CLIC2: variants seen among roughly 807,000 people sequenced by gnomAD.
CLIC2 encodes chloride intracellular channel protein 2.
A neutral mutation model predicts 14.8 loss-of-function variants in CLIC2; 9 were observed. The observed-to-expected ratio is 0.61, with a 90% CI of 0.37 to 1.06. The LOEUF (loss-of-function observed/expected upper bound fraction) is 1.06, where lower values mean the gene tolerates loss of function less well. Among genes scored for constraint, CLIC2 ranks in the 50% least tolerant of loss-of-function variants. CLIC2 has a pLI of 0.01. For missense variants in CLIC2, 148 were observed against 181.4 expected, an observed-to-expected ratio of 0.82 and a Z score of 1.06; for synonymous variants, 61 against 66.3, an observed-to-expected ratio of 0.92 and a Z score of 0.39.
intron 1 of CLIC2, among the ~76,000 whole-genome samples, chrX:155,309,096 TAGAC>T (rs1451361537): frequency 3.6e-5 from 4 of 111,605 alleles, no homozygotes; most frequent in African/African-American, 1.3e-4. Context: ...TTTTGAGACA[TAGAC>T]AGTACAATAA....
At chrX:155,279,761 G>A (rs1235166229) in intron 4 of CLIC2, among the ~76,000 whole-genome samples, 1 of 111,457 alleles carries the variant, frequency 9.0e-6, no homozygotes, top group Admixed American at 9.5e-5. Flanking sequence ...ATTGAGCTAT[G>A]GTTGGTAATA....
intron 1 of CLIC2, 58 bp from the exon 2 acceptor site, chrX:155,299,203 T>G: frequency 1.1e-6 from 1 of 936,662 alleles, no homozygotes; most frequent in Non-Finnish European, 1.5e-6. Context: ...ATGTATTTAG[T>G]TCCTAATAGG....
At chrX:155,299,881 C>G (rs1188866893) in intron 1 of CLIC2, among the ~76,000 whole-genome samples, 1 of 108,735 alleles carries the variant, frequency 9.2e-6, no homozygotes, top group East Asian at 2.9e-4. Context: ...CCAATTTCAT[C>G]CATGTCCCTA....
At chrX:155,317,399 C>CA (rs1454079769) in intron 1 of CLIC2, among the ~76,000 whole-genome samples, 2 of 111,222 alleles carry the variant, frequency 1.8e-5, no homozygotes, top group African/African-American at 6.5e-5. Flanking sequence ...GACAGAAATA[C>CA]AAAAAAATTA....
At chrX:155,322,128 C>T (rs1401449535) in intron 1 of CLIC2, among the ~76,000 whole-genome samples, 1 of 110,920 alleles carries the variant, frequency 9.0e-6, no homozygotes, top group Non-Finnish European at 1.9e-5. Flanking sequence ...TTTAACACCC[C>T]ACTGTCAACA....
At chrX:155,292,718 C>G (rs782377633) in intron 3 of CLIC2, 3 of 380,895 alleles carry the variant, frequency 7.9e-6, no homozygotes, top group African/African-American at 5.5e-5. Flanking sequence ...TGCAGTGAGC[C>G]GAGATCGCGC....
intron 3 of CLIC2, among the ~76,000 whole-genome samples, chrX:155,281,629 C>A (rs1366671643): frequency 2.7e-5 from 3 of 110,952 alleles, no homozygotes; most frequent in Non-Finnish European, 5.7e-5. Flanking sequence ...GGTCAGCTTA[C>A]CTTTCAAAAT....
At chrX:155,280,768 G>A (rs2074915949) in intron 3 of CLIC2, among the ~76,000 whole-genome samples, 2 of 110,292 alleles carry the variant, frequency 1.8e-5, no homozygotes, top group South Asian at 7.7e-4. Context: ...TAAATAGGAT[G>A]GAGAAAATGG....
At chrX:155,292,449 T>G in intron 3 of CLIC2, 1 of 605,548 alleles carries the variant, frequency 1.7e-6, no homozygotes, top group Non-Finnish European at 2.9e-6. Context: ...TTCCCAAATG[T>G]AACAACAGAA....
chrX:155,324,308 A>AAAACAAAC (rs202190443), intron 1 of CLIC2, among the ~76,000 whole-genome samples: 1 of 108,898 alleles, frequency 9.2e-6, no homozygotes, highest in Non-Finnish European at 1.9e-5. Flanking sequence ...ACAAAAAACA[A>AAAACAAAC]AAACAAACAA....
At chrX:155,293,867 C>A (rs992662518) in intron 3 of CLIC2, among the ~76,000 whole-genome samples, 1 of 111,376 alleles carries the variant, frequency 9.0e-6, no homozygotes, top group African/African-American at 3.3e-5. Flanking sequence ...TATAACAATC[C>A]TAAATATATA....
Position 155,298,531 on chromosome X carries a change from C to T in CLIC2, c.293+254G>A, listed in dbSNP as rs1557318598. Among the ~76,000 whole-genome samples, 3 of 112,279 alleles carry T rather than the reference C, an allele frequency of 2.7e-5. 1 individual carries two copies. In the South Asian group the frequency reaches 1.1e-3, roughly 42 times the overall value. On this transcript the variant is annotated intron_variant, in intron 3 of 5. Transcript: ENST00000369449. ...ACTCCCATCTCACTATATGTTCCTACTCTATTTCTAGAGCACAGAGAACTT... is the reference window on the plus strand; with the variant it reads ...ACTCCCATCTCACTATATGTTCCTATTCTATTTCTAGAGCACAGAGAACTT...
chrX:155,331,830 A>C (rs1557322853), intron 1 of CLIC2, among the ~76,000 whole-genome samples: 1 of 111,335 alleles, frequency 9.0e-6, no homozygotes, highest in Admixed American at 9.6e-5. Context: ...AGTCTTTATA[A>C]GTATTTATAA....
Position 155,277,684 on chromosome X carries a change from T to A in CLIC2, c.*219A>T, listed in dbSNP as rs1262802987. 4 of 373,088 alleles carry A rather than the reference T, an allele frequency of 1.1e-5. No homozygotes were observed. The highest frequency in any genetic ancestry group is 1.0e-4 in the African/African-American group (4 of 38,912). The allele number at this position is 373,088 out of a possible 1,213,427, so 30.7% of individuals were successfully genotyped here. On this transcript the variant is annotated 3_prime_UTR_variant, in exon 6 of 6. Coordinates refer to ENST00000369449, the MANE Select transcript of CLIC2 (RefSeq NM_001289.6). ...TCCATGTCATTCAGGATTGCAGTGG[T>A]TTGCCATACAGATAAAGAAAATTAA...
Position 155,277,919 on chromosome X carries a change from G to A in CLIC2, c.728C>T (p.Ala243Val), listed in dbSNP as rs1557315950. The change falls in exon 6 of 6, where the codon GCT becomes GTT. Residue 243 changes from alanine (A) to valine (V), a missense_variant. Ala to Val is a moderately conservative substitution (Grantham distance 64, BLOSUM62 0). Coordinates refer to ENST00000369449, the MANE Select transcript of CLIC2 (RefSeq NM_001289.6). ...AGAGCTCTCCTAACTCTTCTGTTTA[G>A]CCACATTTGCGTAAGTATTTTCAAT... ...KEIENTYANV[A>V]KQKS 1 of 1,207,103 alleles carries A rather than the reference G, an allele frequency of 8.3e-7. No individual in the cohort carries two copies. The highest frequency in any genetic ancestry group is 1.1e-6 in the Non-Finnish European group (1 of 892,907).
intron 1 of CLIC2, among the ~76,000 whole-genome samples, chrX:155,322,003 A>G (rs1391668096): frequency 8.9e-6 from 1 of 111,879 alleles, no homozygotes; most frequent in Non-Finnish European, 1.9e-5. Flanking sequence ...TGCAACAAGA[A>G]GAGCTAACTA....
intron 5 of CLIC2, 101 bp from the exon 6 acceptor site, chrX:155,278,165 G>A (rs782132306): frequency 4.8e-5 from 33 of 686,840 alleles, no homozygotes; most frequent in Non-Finnish European, 7.0e-5. Flanking sequence ...GCATCTTATC[G>A]ACACAAAAAG....
chrX:155,291,824 T>G (rs1413632833), intron 3 of CLIC2, among the ~76,000 whole-genome samples: 1 of 112,362 alleles, frequency 8.9e-6, no homozygotes, highest in Admixed American at 9.4e-5. Context: ...TGCCTAGTAT[T>G]ACAGATATGT....
At chrX:155,291,931 G>A (rs1232932092) in intron 3 of CLIC2, among the ~76,000 whole-genome samples, 9 of 112,007 alleles carry the variant, frequency 8.0e-5, no homozygotes, top group Non-Finnish European at 1.5e-4. Flanking sequence ...CTCCATTCCC[G>A]CCCGCAGCCC....
Sources: gnomAD v4.1 joint callset for allele counts (sites outside exome capture counted in the v4.1 genomes callset) on GRCh38, gnomAD v4.1.1 for gene constraint, MANE v1.5 for transcripts, NCBI Gene and HGNC (gene_info 2026-07-23, HGNC 2026-07-21) for gene names.